The following DOCK3 variants were observed in gnomAD, a reference collection of about 807,000 sequenced individuals.
The protein encoded by DOCK3 is dedicator of cytokinesis 3, also known as dedicator of cytokinesis protein 3.
In DOCK3, 60 loss-of-function variants were observed where a neutral mutation model predicts 265.6. That is an observed-to-expected ratio of 0.23 (90% confidence interval 0.18 to 0.28). The LOEUF (loss-of-function observed/expected upper bound fraction) is 0.28. Ranked by LOEUF, DOCK3 falls within the 10% of genes least tolerant of loss-of-function variation. DOCK3 has a pLI of 1.00. For synonymous variants in DOCK3, 881 were observed against 938.0 expected, an observed-to-expected ratio of 0.94 and a Z score of 1.11; for missense variants, 1,981 against 2,594.3, an observed-to-expected ratio of 0.76 and a Z score of 5.14.
intron 14 of DOCK3, among the ~76,000 whole-genome samples, chr3:51,220,721 A>G (rs1216322043): frequency 6.4e-5 from 9 of 140,040 alleles, no homozygotes; most frequent in African/African-American, 2.2e-4. Context: ...ATATATATAT[A>G]TATATATATA....
intron 1 of DOCK3, among the ~76,000 whole-genome samples, chr3:50,695,605 GCTCAAAGAGA>G (rs1014789953): frequency 2.0e-5 from 3 of 152,182 alleles, no homozygotes; most frequent in Admixed American, 6.5e-5. Context: ...TCAGAAATTT[GCTCAAAGAGA>G]CTCAAAGAGC....
At chr3:51,289,941 T>C (rs909858268) in intron 27 of DOCK3, among the ~76,000 whole-genome samples, 3 of 152,086 alleles carry the variant, frequency 2.0e-5, no homozygotes, top group Non-Finnish European at 4.4e-5. Flanking sequence ...AAAATGCTCA[T>C]CATCACTGGC....
rs17051709 is a variant in DOCK3 at position 51,313,769 on chromosome 3, A to G, written c.3253+867A>G. The stretch of plus-strand genomic sequence containing the variant: ...ATTTCTGCCGGCGAGAGGGCCTTCT[A>G]TTCATGAGTGGGGATGCATTTCCCC... On this transcript the variant is annotated intron_variant, in intron 31 of 52. Coordinates refer to ENST00000266037, the MANE Select transcript of DOCK3 (RefSeq NM_004947.5). Among the ~76,000 whole-genome samples, 1,021 of 152,298 alleles carry G rather than the reference A, an allele frequency of 6.7e-3. 6 individuals are homozygous for G. The highest frequency in any genetic ancestry group is 0.023 in the African/African-American group (951 of 41,560).
Position 51,236,439 on chromosome 3 carries a change from T to C in DOCK3, c.2001+11T>C. ...GTTTTTCAGTCTCTGGTAAGTCACC[T>C]TCCTGACTCTTTACTTTTATTAATT... On this transcript the variant is annotated intron_variant, in intron 20 of 52. Transcript: ENST00000266037. The C allele has an allele frequency of 6.3e-7, 1 of 1,596,974 alleles. No individual in the cohort carries two copies. Among genetic ancestry groups the C allele is most frequent in the Non-Finnish European group, 8.5e-7 (1 of 1,172,320 alleles).
chr3:51,220,147 C>A (rs1483354800), intron 14 of DOCK3, among the ~76,000 whole-genome samples: 1 of 152,026 alleles, frequency 6.6e-6, no homozygotes, highest in African/African-American at 2.4e-5. Context: ...ATACCTAAAA[C>A]CATCCAAGTT....
At chr3:50,709,488 C>T (rs1034498482) in intron 1 of DOCK3, among the ~76,000 whole-genome samples, 3 of 152,050 alleles carry the variant, frequency 2.0e-5, no homozygotes, top group African/African-American at 7.2e-5. Context: ...GGAAAGCGTT[C>T]AGTCCTTCAC....
chr3:51,293,652 A>G (rs754514263), intron 27 of DOCK3, among the ~76,000 whole-genome samples: 1 of 152,226 alleles, frequency 6.6e-6, no homozygotes, highest in Non-Finnish European at 1.5e-5. Context: ...ACAGTGAAGA[A>G]AACAATAGAA....
intron 4 of DOCK3, among the ~76,000 whole-genome samples, chr3:50,921,777 C>G (rs140460802): frequency 2.0e-5 from 3 of 152,300 alleles, no homozygotes; most frequent in East Asian, 3.9e-4. Context: ...TTCCAGCAGT[C>G]AGGACCCTCA....
At chr3:51,193,801 CTTTT>C (rs36051516) in intron 12 of DOCK3, among the ~76,000 whole-genome samples, 5 of 126,678 alleles carry the variant, frequency 3.9e-5, no homozygotes, top group Non-Finnish European at 6.5e-5. Context: ...GGGCTTCTCT[CTTTT>C]TTTTTTTTTT....
chr3:50,759,133 G>A (rs566822145), intron 1 of DOCK3, among the ~76,000 whole-genome samples: 10 of 151,998 alleles, frequency 6.6e-5, no homozygotes, highest in Admixed American at 2.6e-4. Context: ...TGGAATGGCT[G>A]GATCATATAA....
rs782548076 is a variant in DOCK3 at position 51,381,230 on chromosome 3, T to G, written c.5764T>G (p.Trp1922Gly). The change falls in exon 53 of 53, where the codon TGG becomes GGG. Residue 1922 changes from tryptophan (W) to glycine (G), a missense_variant. This residue lies in a region of DOCK3 where 1,357 missense variants were observed against 1,866.8 expected (regional missense o/e 0.73). Transcript: ENST00000266037. This position sits in a 1 kb window ranked among gnomAD's most constrained non-coding sequence, Gnocchi z 5.6. ...DTMDSMPSQA[W>G]NADEDLEPPY... ...CATGGACTCCATGCCAAGTCAGGCC[T>G]GGAATGCTGACGAAGATCTTGAGCC... 1 of 1,613,886 alleles carries G rather than the reference T, an allele frequency of 6.2e-7. No individual in the cohort carries two copies. The highest frequency in any genetic ancestry group is 1.1e-5 in the South Asian group (1 of 91,076).
intron 5 of DOCK3, among the ~76,000 whole-genome samples, chr3:51,014,861 CTTTGA>C (rs1472048139): frequency 6.6e-6 from 1 of 152,038 alleles, no homozygotes; most frequent in African/African-American, 2.4e-5. Flanking sequence ...ACTTTCACTT[CTTTGA>C]TTTAATTAAT....
intron 1 of DOCK3, among the ~76,000 whole-genome samples, chr3:50,720,346 A>G (rs2037399888): frequency 6.6e-6 from 1 of 152,068 alleles, no homozygotes; most frequent in South Asian, 2.1e-4. Flanking sequence ...GTGTTCATGT[A>G]TACTCAGTGT....
intron 2 of DOCK3, chr3:50,786,550 G>A: frequency 4.2e-6 from 2 of 471,654 alleles, no homozygotes; most frequent in Non-Finnish European, 8.2e-6. Context: ...CACGCTTAAG[G>A]AGATGGATGT....
chr3:50,773,566 T>C (rs1036916180), intron 1 of DOCK3, among the ~76,000 whole-genome samples: 15 of 152,108 alleles, frequency 9.9e-5, no homozygotes, highest in South Asian at 2.1e-4. Flanking sequence ...CTCCAGAGAT[T>C]GAAATTTAAT....
rs185908753 is a variant in DOCK3, at chr3:51,270,797, C to G, written c.2356-18C>G. 10 of 1,607,504 alleles carry G rather than the reference C, an allele frequency of 6.2e-6. No homozygotes were observed. The Admixed American group carries it at 1.3e-4, about 22-fold the overall frequency. On this transcript the variant is annotated intron_variant, in intron 23 of 52. Coordinates refer to ENST00000266037, the MANE Select transcript of DOCK3 (RefSeq NM_004947.5). ...CACCCTAACTCTGTGCTAACCACAGCTTCATTTGCTTCTGCAGGCTGCACT... is the reference window on the plus strand; with the variant it reads ...CACCCTAACTCTGTGCTAACCACAGGTTCATTTGCTTCTGCAGGCTGCACT...
In DOCK3 at chr3:50,773,389, C is replaced by T. The variant is rs28683561; in HGVS notation, c.38-5286C>T. ...TGATCTATATTAATTTAAAAAAAAT[C>T]ATTTGAAAGCCAATGTAGAAGGAAG... On this transcript the variant is annotated intron_variant, in intron 1 of 52. Transcript: ENST00000266037. Among the ~76,000 whole-genome samples, 426 of 151,802 alleles carry T rather than the reference C, an allele frequency of 2.8e-3. 3 individuals are homozygous for T. The highest frequency in any genetic ancestry group is 9.8e-3 in the African/African-American group (408 of 41,436).
chr3:51,160,678 A>G lies in DOCK3; in HGVS notation c.1013A>G (p.Lys338Arg). Reference sequence around the variant, plus strand: ...TCACTCACAGAAGTAAAGGAAGAAAAGGATTTTGTTCTTAAGGTTTACACG... The same window carrying G: ...TCACTCACAGAAGTAAAGGAAGAAAGGGATTTTGTTCTTAAGGTTTACACG... Reference protein sequence around the residue: ...LQSLTEVKEEKDFVLKVYTCN... With the variant: ...LQSLTEVKEERDFVLKVYTCN... The change falls in exon 12 of 53, where the codon AAG (lysine) becomes AGG (arginine). Residue 338 changes from lysine (K) to arginine (R), a missense_variant. Physicochemically the swap from Lys to Arg is conservative, Grantham distance 26. Transcript: ENST00000266037. The G allele has an allele frequency of 6.2e-7, 1 of 1,612,746 alleles. No individual in the cohort carries two copies. Among genetic ancestry groups the G allele is most frequent in the Non-Finnish European group, 8.5e-7 (1 of 1,179,412 alleles).
chr3:50,981,143 A>G (rs1370636789), intron 5 of DOCK3, among the ~76,000 whole-genome samples: 5 of 152,136 alleles, frequency 3.3e-5, no homozygotes, highest in Admixed American at 3.3e-4. Context: ...AGGTTTAGGT[A>G]TAGTGTATTT....
Sources: gnomAD v4.1 joint callset for allele counts (sites outside exome capture counted in the v4.1 genomes callset) on GRCh38, gnomAD v4.1.1 for gene constraint, gnomAD v4.1.1 regional missense constraint, Gnocchi (gnomAD v3.1) non-coding constraint, MANE v1.5 for transcripts, NCBI Gene and HGNC (gene_info 2026-07-23, HGNC 2026-07-21) for gene names.